Variants in NAALADL2 observed in about 807,000 individuals in gnomAD.
NAALADL2 encodes the protein N-acetylated alpha-linked acidic dipeptidase like 2, also known as inactive N-acetylated-alpha-linked acidic dipeptidase-like protein 2.
A neutral mutation model predicts 87.2 loss-of-function variants in NAALADL2; 76 were observed. The ratio of observed to expected loss-of-function variants is 0.87; its 90% CI spans 0.72 to 1.05. The LOEUF is 1.05. NAALADL2 is among the 50% of genes least tolerant of loss of function. NAALADL2 has a pLI of 0.00. For missense variants in NAALADL2, 1,089 were observed against 945.8 expected (o/e 1.15, Z -1.99); for synonymous variants, 354 against 331.0 (o/e 1.07, Z -0.75).
chr3:175,365,606 G>A (rs982215792), intron 5 of NAALADL2, among the ~76,000 whole-genome samples: 1 of 146,918 alleles, frequency 6.8e-6, no homozygotes, highest in African/African-American at 2.5e-5. Flanking sequence ...AACATGTTTG[G>A]TGGTCATCCT....
At chr3:174,459,315 G>A (rs1486379937) in intron 1 of NAALADL2, 1 of 152,182 alleles carries the variant, frequency 6.6e-6, no homozygotes, top group Non-Finnish European at 1.5e-5. Flanking sequence ...AGGCCCAGGT[G>A]AAGCCTGTTA....
chr3:175,735,626 G>A (rs1046996585), intron 11 of NAALADL2, among the ~76,000 whole-genome samples: 6 of 152,212 alleles, frequency 3.9e-5, no homozygotes, highest in African/African-American at 1.4e-4. Flanking sequence ...AGAGAGCAGG[G>A]AAACTCCCAT....
intron 13 of NAALADL2, among the ~76,000 whole-genome samples, chr3:175,758,670 A>G (rs1010643165): frequency 2.0e-5 from 3 of 152,112 alleles, no homozygotes; most frequent in Non-Finnish European, 4.4e-5. Context: ...GAAATATTCA[A>G]AGTAAAAATT....
At chr3:175,507,831 G>A (rs62287081) in intron 9 of NAALADL2, among the ~76,000 whole-genome samples, 9,432 of 152,196 alleles carry the variant, frequency 0.062, 401 homozygotes, top group South Asian at 0.12. Context: ...ACATGCATAA[G>A]CCCATGGTTT....
chr3:174,918,824 CAA>C lies in NAALADL2; in HGVS notation c.43+59376_43+59377del, dbSNP rs1406862498. ...ATGAGAGTAACCATGAGTTGCATTG[CAA>C]AGTGTTTGGATCAAAGAAAGAATAA... On this transcript the variant is annotated intron_variant, in intron 1 of 13. Coordinates refer to ENST00000454872, the MANE Select transcript of NAALADL2 (RefSeq NM_207015.3). 2.0e-5 allele frequency among the ~76,000 whole-genome samples: 3 copies of C among 152,200 alleles called. No homozygotes were observed. In the East Asian group the frequency reaches 5.8e-4, roughly 29 times the overall value.
At chr3:175,299,853 T>A (rs1158111881) in intron 4 of NAALADL2, among the ~76,000 whole-genome samples, 1 of 152,192 alleles carries the variant, frequency 6.6e-6, no homozygotes, top group African/African-American at 2.4e-5. Context: ...AAGGGCTTCC[T>A]GAACTTGTGC....
At chr3:174,851,184 A>T (rs1725200432) in intron 3 of NAALADL2, among the ~76,000 whole-genome samples, 1 of 152,016 alleles carries the variant, frequency 6.6e-6, no homozygotes, top group African/African-American at 2.4e-5. Context: ...CAACCTAATG[A>T]TTCATCTTAA....
intron 2 of NAALADL2, among the ~76,000 whole-genome samples, chr3:174,662,689 G>T (rs1308957939): frequency 6.6e-6 from 1 of 152,294 alleles, no homozygotes; most frequent in East Asian, 1.9e-4. Context: ...TATCATGTGC[G>T]CAGAAGTTCC....
At chr3:175,493,878 C>G (rs1355528391) in intron 9 of NAALADL2, among the ~76,000 whole-genome samples, 1 of 152,104 alleles carries the variant, frequency 6.6e-6, no homozygotes, top group Non-Finnish European at 1.5e-5. Context: ...TCTGTGGAGT[C>G]TTCTTATTTC....
chr3:175,032,627 T>C (rs1752934318), intron 1 of NAALADL2, among the ~76,000 whole-genome samples: 1 of 152,080 alleles, frequency 6.6e-6, no homozygotes, highest in Admixed American at 6.6e-5. Context: ...GCAGGCTCTT[T>C]CCCAGATGTT....
intron 3 of NAALADL2, among the ~76,000 whole-genome samples, chr3:174,738,816 G>T (rs116074817): frequency 1.3e-5 from 2 of 151,972 alleles, no homozygotes; most frequent in East Asian, 1.9e-4. Flanking sequence ...AACCATTTTT[G>T]GTTTGCATTT....
intron 2 of NAALADL2, among the ~76,000 whole-genome samples, chr3:175,101,381 T>C (rs1256998857): frequency 6.6e-6 from 1 of 152,200 alleles, no homozygotes; most frequent in African/African-American, 2.4e-5. Context: ...CTTAAGCCAG[T>C]TGAGATGCTG....
intron 1 of NAALADL2, among the ~76,000 whole-genome samples, chr3:174,882,622 T>TATGTGCATATACAC (rs1729427557): frequency 7.7e-5 from 10 of 130,700 alleles, no homozygotes; most frequent in African/African-American, 2.1e-4. Context: ...TGCATATGCA[T>TATGTGCATATACAC]ATATGTGCAT....
chr3:175,030,807 T>C (rs1468467707), intron 1 of NAALADL2, among the ~76,000 whole-genome samples: 1 of 152,084 alleles, frequency 6.6e-6, no homozygotes, highest in African/African-American at 2.4e-5. Context: ...TCAATGTATT[T>C]AGTTTTATCA....
intron 1 of NAALADL2, among the ~76,000 whole-genome samples, chr3:174,899,197 T>C (rs1732001883): frequency 6.6e-6 from 1 of 152,186 alleles, no homozygotes; most frequent in Admixed American, 6.5e-5. Context: ...TTTTATGCTA[T>C]TATTATCACT....
rs116654099 is a variant in NAALADL2 at position 175,188,634 on chromosome 3, T to G, written c.546-45297T>G. On this transcript the variant is annotated intron_variant, in intron 2 of 13. Coordinates refer to ENST00000454872, the MANE Select transcript of NAALADL2 (RefSeq NM_207015.3). ...CTGGAACTGGACTAGACCCCTGGAGTCCAAGCTACTGAAGTTCCCTGGCTC... is the reference window on the plus strand; with the variant it reads ...CTGGAACTGGACTAGACCCCTGGAGGCCAAGCTACTGAAGTTCCCTGGCTC... Among the ~76,000 whole-genome samples the G allele has an allele frequency of 1.8e-3, 273 of 151,898 alleles. 1 individual carries two copies. The highest frequency in any genetic ancestry group is 6.2e-3 in the African/African-American group (257 of 41,404).
intron 4 of NAALADL2, among the ~76,000 whole-genome samples, chr3:175,286,252 T>G (rs1057436875): frequency 7.9e-5 from 12 of 152,040 alleles, no homozygotes; most frequent in African/African-American, 2.9e-4. Flanking sequence ...GAGGGAAAAA[T>G]CAAGCCTTGT....
chr3:174,960,266 T>C (rs1299248568), intron 1 of NAALADL2, among the ~76,000 whole-genome samples: 1 of 152,112 alleles, frequency 6.6e-6, no homozygotes, highest in East Asian at 1.9e-4. Flanking sequence ...TGAAGTTCTT[T>C]TTAGCTCTAT....
chr3:174,717,026 CAG>C (rs1731257315), intron 2 of NAALADL2, among the ~76,000 whole-genome samples: 2 of 152,040 alleles, frequency 1.3e-5, no homozygotes, highest in South Asian at 2.1e-4. Flanking sequence ...TGTATAGAAA[CAG>C]AGAAAACTTC....
Sources: gnomAD v4.1 joint callset for allele counts (sites outside exome capture counted in the v4.1 genomes callset) on GRCh38, gnomAD v4.1.1 for gene constraint, MANE v1.5 for transcripts, NCBI Gene and HGNC (gene_info 2026-07-23, HGNC 2026-07-21) for gene names.